Variants in RNLS observed in about 807,000 individuals in gnomAD.
The protein encoded by RNLS is renalase.
A neutral mutation model predicts 39.8 loss-of-function variants in RNLS; 39 were observed. That is an observed-to-expected ratio of 0.98 (90% confidence interval 0.76 to 1.28). The LOEUF is 1.28. Among genes scored for constraint, RNLS ranks in the 50% most tolerant of loss-of-function variants. The pLI is 0.00. For synonymous variants in RNLS, 147 were observed against 150.7 expected, an observed-to-expected ratio of 0.98 and a Z score of 0.18; for missense variants, 410 against 413.3, an observed-to-expected ratio of 0.99 and a Z score of 0.07.
the RNLS span, among the ~76,000 whole-genome samples, chr10:88,249,632 C>G: frequency 6.6e-6 from 1 of 152,136 alleles, no homozygotes; most frequent in Non-Finnish European, 1.5e-5. Context: ...TGGGATGACT[C>G]AAAGACTAAG....
At chr10:88,581,730 T>A in intron 2 of RNLS, 21 bp from the exon 3 acceptor site, 1 of 1,487,790 alleles carries the variant, frequency 6.7e-7, no homozygotes, top group Non-Finnish European at 9.0e-7. Context: ...TCAATATGTA[T>A]ATTTAATGTA....
intron 4 of RNLS, among the ~76,000 whole-genome samples, chr10:88,538,694 T>A (rs1263039925): frequency 6.6e-6 from 1 of 152,098 alleles, no homozygotes; most frequent in Non-Finnish European, 1.5e-5. Flanking sequence ...AATAGAAAAA[T>A]TAAGGAAGAT....
intron 5 of RNLS, among the ~76,000 whole-genome samples, chr10:88,355,945 G>T (rs922018639): frequency 1.3e-5 from 2 of 152,206 alleles, no homozygotes; most frequent in African/African-American, 4.8e-5. Flanking sequence ...CTGCTGCCTT[G>T]CAGTTCGATC....
intron 4 of RNLS, among the ~76,000 whole-genome samples, chr10:88,385,898 CA>C (rs1371262228): frequency 6.6e-6 from 1 of 152,194 alleles, no homozygotes; most frequent in Admixed American, 6.6e-5. Context: ...TTTGGGCTTG[CA>C]AAACTTTAAT....
At chr10:88,319,270 A>T (rs1010847009) in intron 5 of RNLS, among the ~76,000 whole-genome samples, 2 of 152,200 alleles carry the variant, frequency 1.3e-5, no homozygotes, top group Non-Finnish European at 2.9e-5. Flanking sequence ...GAATTACAAA[A>T]TGTAAAAGTC....
At chr10:88,526,706 C>T (rs1847116398) in intron 4 of RNLS, among the ~76,000 whole-genome samples, 1 of 151,078 alleles carries the variant, frequency 6.6e-6, no homozygotes, top group Non-Finnish European at 1.5e-5. Flanking sequence ...TTTGAGGTTA[C>T]AGTGAGCTGG....
chr10:88,265,910 C>T, the RNLS span, among the ~76,000 whole-genome samples: 1 of 152,268 alleles, frequency 6.6e-6, no homozygotes, highest in Non-Finnish European at 1.5e-5. Context: ...AGTCATTCAT[C>T]CCTTTAGGAA....
At chr10:88,287,727 G>A (rs1283769272) in intron 6 of RNLS, among the ~76,000 whole-genome samples, 6 of 152,134 alleles carry the variant, frequency 3.9e-5, no homozygotes, top group Admixed American at 3.3e-4. Flanking sequence ...GCAGGCAAGA[G>A]AGAGAGAGCA....
chr10:88,283,949 C>T (rs978049135), downstream of RNLS, among the ~76,000 whole-genome samples: 3 of 152,004 alleles, frequency 2.0e-5, no homozygotes, highest in African/African-American at 4.8e-5. Flanking sequence ...ATATGTATCC[C>T]TACATTTAAA....
chr10:88,244,377 C>T, the RNLS span, among the ~76,000 whole-genome samples: 4 of 152,182 alleles, frequency 2.6e-5, no homozygotes, highest in African/African-American at 9.6e-5. Context: ...AGGCAACGCC[C>T]CCCCATAATA....
chr10:88,525,924 C>A (rs781156179), intron 4 of RNLS, among the ~76,000 whole-genome samples: 38 of 151,962 alleles, frequency 2.5e-4, no homozygotes, highest in Admixed American at 2.1e-3. Context: ...TCCTCAGCCC[C>A]TTAGGAAATC....
intron 5 of RNLS, among the ~76,000 whole-genome samples, chr10:88,353,692 T>A (rs973911379): frequency 6.6e-6 from 1 of 152,196 alleles, no homozygotes; most frequent in African/African-American, 2.4e-5. Context: ...ATTCTGTTGA[T>A]TTGAGGTGGA....
At chr10:88,410,317 A>G (rs1853575731) in intron 4 of RNLS, among the ~76,000 whole-genome samples, 1 of 152,110 alleles carries the variant, frequency 6.6e-6, no homozygotes, top group Non-Finnish European at 1.5e-5. Flanking sequence ...TTACCATATA[A>G]TTGTTTTCCT....
chr10:88,411,846 C>T (rs1190893239), intron 4 of RNLS, among the ~76,000 whole-genome samples: 1 of 137,344 alleles, frequency 7.3e-6, no homozygotes, highest in Non-Finnish European at 1.7e-5. Flanking sequence ...GTTTTCCAGG[C>T]AGAAAAGAGT....
At chr10:88,563,462 G>C (rs952778236) in intron 4 of RNLS, among the ~76,000 whole-genome samples, 26 of 152,216 alleles carry the variant, frequency 1.7e-4, no homozygotes, top group African/African-American at 6.3e-4. Flanking sequence ...TAAAAATAAT[G>C]ATGCACATGA....
intron 4 of RNLS, among the ~76,000 whole-genome samples, chr10:88,502,891 A>T (rs1441657075): frequency 6.6e-6 from 1 of 152,162 alleles, no homozygotes; most frequent in Non-Finnish European, 1.5e-5. Flanking sequence ...AAATGAAAAT[A>T]TAGGGAGAGA....
chr10:88,327,716 T>C (rs1846730276), intron 5 of RNLS, among the ~76,000 whole-genome samples: 1 of 152,296 alleles, frequency 6.6e-6, no homozygotes, highest in East Asian at 1.9e-4. Context: ...GAATAGAATT[T>C]TCTAGGTATT....
intron 3 of RNLS, among the ~76,000 whole-genome samples, chr10:88,579,549 G>A (rs1377116156): frequency 6.6e-6 from 1 of 152,098 alleles, no homozygotes; most frequent in East Asian, 1.9e-4. Context: ...TCCATTTTGG[G>A]ATATCATTTT....
chr10:88,305,743 C>A (rs1844869385), intron 6 of RNLS, among the ~76,000 whole-genome samples: 2 of 152,142 alleles, frequency 1.3e-5, no homozygotes, highest in Admixed American at 6.5e-5. Flanking sequence ...ATCTTTAACA[C>A]CCCACTGATA....
Sources: allele counts gnomAD v4.1 joint callset (sites outside exome capture counted in the v4.1 genomes callset), GRCh38; gene constraint gnomAD v4.1.1; transcripts MANE v1.5; gene names NCBI Gene and HGNC (gene_info 2026-07-23, HGNC 2026-07-21).